Variants in PHF3 observed in about 807,000 individuals in gnomAD.
PHF3 encodes the protein PHD finger protein 3.
In PHF3, 41 loss-of-function variants were observed where a neutral mutation model predicts 178.4. That is an observed-to-expected ratio of 0.23 (90% confidence interval 0.18 to 0.30). The LOEUF is 0.30. Among genes scored for constraint, PHF3 ranks in the 10% least tolerant of loss-of-function variants. The pLI, the probability that PHF3 is intolerant of heterozygous loss-of-function variation, is 1.00. For synonymous variants in PHF3, 842 were observed against 800.5 expected, an observed-to-expected ratio of 1.05 and a Z score of -0.88; for missense variants, 2,346 against 2,398.1, an observed-to-expected ratio of 0.98 and a Z score of 0.45.
Position 63,698,216 on chromosome 6 carries a change from A to G in PHF3, c.2681-7A>G. On this transcript the variant is annotated splice_polypyrimidine_tract_variant and splice_region_variant and intron_variant, in intron 6 of 15. Transcript: ENST00000262043. ...ATGTAATGAGTTTCGATATTTATTC[A>G]AATTAGGTACTCATGAGAAGCAAGA... 6.3e-7 allele frequency: 1 copy of G among 1,594,124 alleles called. No individual in the cohort carries two copies. The highest frequency in any genetic ancestry group is 8.6e-7 in the Non-Finnish European group (1 of 1,168,232).
At chr6:63,673,753 T>C (rs1345888764) in intron 2 of PHF3, among the ~76,000 whole-genome samples, 3 of 152,124 alleles carry the variant, frequency 2.0e-5, no homozygotes, top group Non-Finnish European at 4.4e-5. Flanking sequence ...ACCTTACAAC[T>C]GAAAGTCTAA....
chr6:63,720,994 G>T lies in PHF3; in HGVS notation c.*7286G>T. ...GCTATTTTCAAGGTCTGATTATGGA[G>T]ACCAATTGCCAGAAAATCATTTTCT... On this transcript the variant is annotated 3_prime_UTR_variant, in exon 16 of 16. Coordinates refer to ENST00000262043, the MANE Select transcript of PHF3 (RefSeq NM_001370348.2). 2.6e-6 allele frequency: 4 copies of T among 1,551,270 alleles called. No individual in the cohort carries two copies. The highest frequency in any genetic ancestry group is 2.6e-6 in the Non-Finnish European group (3 of 1,146,768).
intron 9 of PHF3, among the ~76,000 whole-genome samples, chr6:63,700,886 AATT>A (rs1165719079): frequency 2.0e-5 from 3 of 151,968 alleles, no homozygotes; most frequent in Non-Finnish European, 4.4e-5. Context: ...TGCTTCTTTT[AATT>A]ACTTGTTCTC....
chr6:63,671,231 T>C (rs1765902404), intron 2 of PHF3, among the ~76,000 whole-genome samples: 1 of 152,158 alleles, frequency 6.6e-6, no homozygotes, highest in East Asian at 1.9e-4. Flanking sequence ...ATAAAAGTGA[T>C]TGGTACTGTA....
rs190025648 is a variant in PHF3 at position 63,723,968 on chromosome 6, C to A, written c.*10260C>A. The stretch of plus-strand genomic sequence containing the variant: ...GACTACAGGCACTGGCCATCACGGC[C>A]GGCTAATTTTTGTATTTTGGGTAGA... On this transcript the variant is annotated 3_prime_UTR_variant, in exon 16 of 16. Transcript: ENST00000262043. 4.1e-4 allele frequency among the ~76,000 whole-genome samples: 62 copies of A among 152,018 alleles called. No homozygotes were observed. The highest frequency in any genetic ancestry group is 1.2e-4 in the Non-Finnish European group (8 of 67,956).
rs1312824825 is a variant in PHF3, at chr6:63,715,486, T to C, written c.*1778T>C. On this transcript the variant is annotated 3_prime_UTR_variant, in exon 16 of 16. Transcript: ENST00000262043. ...ATAAATCTACCTTTACTGATATATC[T>C]GGTTGAGGGAATATCAGACTCCAGA... 1 of 152,160 alleles carries C rather than the reference T, an allele frequency of 6.6e-6. No homozygotes were observed. Among genetic ancestry groups the C allele is most frequent in the East Asian group, 1.9e-4 (1 of 5,198 alleles). 9.4% of individuals were successfully genotyped at this position (152,160 alleles called of 1,614,324 possible).
chr6:63,657,088 A>T (rs1232944212), intron 2 of PHF3, among the ~76,000 whole-genome samples: 1 of 152,138 alleles, frequency 6.6e-6, no homozygotes, highest in Non-Finnish European at 1.5e-5. Context: ...AAACTCCTGG[A>T]AGACAGATGT....
chr6:63,666,465 A>G (rs1049189599), intron 2 of PHF3, among the ~76,000 whole-genome samples: 2 of 151,384 alleles, frequency 1.3e-5, no homozygotes, highest in South Asian at 2.1e-4. Flanking sequence ...TTTTTCTTTT[A>G]AAACATTCCC....
At chr6:63,696,421 G>T (rs1342373369) in intron 6 of PHF3, among the ~76,000 whole-genome samples, 1 of 152,052 alleles carries the variant, frequency 6.6e-6, no homozygotes, top group African/African-American at 2.4e-5. Context: ...CTGGGCTCAA[G>T]CTATCCTCTC....
At chr6:63,676,475 G>T (rs948439636) in intron 2 of PHF3, among the ~76,000 whole-genome samples, 2 of 152,220 alleles carry the variant, frequency 1.3e-5, no homozygotes, top group Admixed American at 1.3e-4. Flanking sequence ...TGAAGGAAGG[G>T]AAAGAATGAG....
intron 2 of PHF3, among the ~76,000 whole-genome samples, chr6:63,647,300 A>G (rs919563806): frequency 1.3e-5 from 2 of 152,084 alleles, no homozygotes; most frequent in African/African-American, 4.8e-5. Context: ...CATGTATCTT[A>G]AAACCAGAGA....
In PHF3 at chr6:63,720,967, C is replaced by T. The variant is rs1038558760; in HGVS notation, c.*7259C>T. The T allele has an allele frequency of 1.3e-6, 2 of 1,551,360 alleles. No homozygotes were observed. Among genetic ancestry groups the T allele is most frequent in the Non-Finnish European group, 1.7e-6 (2 of 1,146,786 alleles). On this transcript the variant is annotated 3_prime_UTR_variant, in exon 16 of 16. Coordinates refer to ENST00000262043, the MANE Select transcript of PHF3 (RefSeq NM_001370348.2). ...ACAGAGATTCTTTCTCCCAAGTTAACTGCTATTTTCAAGGTCTGATTATGG... is the reference window on the plus strand; with the variant it reads ...ACAGAGATTCTTTCTCCCAAGTTAATTGCTATTTTCAAGGTCTGATTATGG...
intron 2 of PHF3, among the ~76,000 whole-genome samples, chr6:63,670,131 C>CT (rs948642272): frequency 3.3e-5 from 5 of 152,090 alleles, no homozygotes; most frequent in Non-Finnish European, 5.9e-5. Context: ...GAGTGAGCAG[C>CT]TTTTTTTGTA....
At chr6:63,636,508 G>T (rs1472551326) in intron 1 of PHF3, 1 of 152,166 alleles carries the variant, frequency 6.6e-6, no homozygotes, top group Non-Finnish European at 1.5e-5. Context: ...CAGGCCCGAG[G>T]CACGGCGGGC....
chr6:63,684,079 A>G, intron 3 of PHF3, 50 bp from the exon 4 acceptor site: 1 of 1,357,674 alleles, frequency 7.4e-7, no homozygotes, highest in Non-Finnish European at 1.0e-6. Context: ...AAATAAAAGC[A>G]CATGACAAAA....
chr6:63,684,899 A>G lies in PHF3; in HGVS notation c.1177A>G (p.Arg393Gly), dbSNP rs1176985120. ...TGATAAAACTGAGAACACCCTTGAA[A>G]GAAATAAAATTGAACCGTTGGGTTA... The part of the protein sequence containing the change: ...IADKTENTLE[R>G]NKIEPLGYCE... The change falls in exon 4 of 16, where the codon AGA (arginine) becomes GGA (glycine). Residue 393 changes from arginine (R) to glycine (G), a missense_variant. Around this residue, in one of 8 missense-constraint regions of PHF3, gnomAD observed 843 missense variants for 795.2 expected, o/e 1.06. Transcript: ENST00000262043. The G allele has an allele frequency of 6.2e-7, 1 of 1,614,132 alleles. No homozygotes were observed. Among genetic ancestry groups the G allele is most frequent in the Admixed American group, 1.7e-5 (1 of 60,032 alleles).
At chr6:63,698,907 CTT>C (rs1316963510) in intron 8 of PHF3, among the ~76,000 whole-genome samples, 1 of 151,960 alleles carries the variant, frequency 6.6e-6, no homozygotes, top group African/African-American at 2.4e-5. Flanking sequence ...TCTTCAAAAA[CTT>C]TTAAGCTAAA....
At chr6:63,683,368 C>T (rs543420523) in intron 3 of PHF3, among the ~76,000 whole-genome samples, 2 of 152,094 alleles carry the variant, frequency 1.3e-5, no homozygotes, top group South Asian at 2.1e-4. Flanking sequence ...TCTCCTTTCT[C>T]CTGATACAAG....
At chr6:63,643,143 G>A (rs1183822386) in intron 1 of PHF3, among the ~76,000 whole-genome samples, 1 of 151,608 alleles carries the variant, frequency 6.6e-6, no homozygotes, top group African/African-American at 2.4e-5. Context: ...TCCCTTTTCT[G>A]TTCCATGATC....
Sources: gnomAD v4.1 joint callset for allele counts (sites outside exome capture counted in the v4.1 genomes callset) on GRCh38, gnomAD v4.1.1 for gene constraint, gnomAD v4.1.1 regional missense constraint, MANE v1.5 for transcripts, NCBI Gene and HGNC (gene_info 2026-07-23, HGNC 2026-07-21) for gene names.